Variants in PUS7L observed in about 807,000 individuals in gnomAD.
The protein encoded by PUS7L is pseudouridine synthase 7 like.
In PUS7L, 49 loss-of-function variants were observed where a neutral mutation model predicts 51.1. The ratio of observed to expected loss-of-function variants is 0.96; its 90% CI spans 0.76 to 1.22. The LOEUF is 1.22. Among genes scored for constraint, PUS7L ranks in the 50% most tolerant of loss-of-function variants. The pLI is 0.00. For synonymous variants in PUS7L, 277 were observed against 276.2 expected (o/e 1.00, Z -0.03); for missense variants, 828 against 820.6 (o/e 1.01, Z -0.11).
intron 8 of PUS7L, 65 bp downstream of exon 8, chr12:43,731,639 AT>A: frequency 1.2e-6 from 1 of 818,426 alleles, no homozygotes; most frequent in Non-Finnish European, 2.0e-6. Context: ...ACTAGTTAAC[AT>A]TTTGCTTTTT....
chr12:43,751,999 G>T (rs1002597054), intron 2 of PUS7L, among the ~76,000 whole-genome samples: 1 of 152,170 alleles, frequency 6.6e-6, no homozygotes, highest in African/African-American at 2.4e-5. Flanking sequence ...ATAAATGTCT[G>T]CTTTTGAGAA....
rs1944429001 is a variant in PUS7L at position 43,724,280 on chromosome 12, T to C, written c.*6096A>G. 1 of 151,936 alleles carries C rather than the reference T, an allele frequency of 6.6e-6. No individual in the cohort carries two copies. The highest frequency in any genetic ancestry group is 2.1e-4 in the South Asian group (1 of 4,822). 9.4% of individuals were successfully genotyped at this position (151,936 alleles called of 1,614,324 possible). A position where few individuals can be genotyped will look rare whatever the true frequency, so the allele number is the denominator to read the frequency against. ...ACTGAATCCCCAGATTTAGAAATAG[T>C]TGTTTCTACTACTACAAAAAAAAAA... On this transcript the variant is annotated 3_prime_UTR_variant, in exon 9 of 9. Transcript: ENST00000344862.
At chr12:43,745,959 G>A (rs1355166829) in intron 4 of PUS7L, 87 bp downstream of exon 4, 1 of 600,336 alleles carries the variant, frequency 1.7e-6, no homozygotes, top group African/African-American at 2.0e-5. Context: ...AGGTACAAAA[G>A]AAAAAGAAGT....
At position 43,754,912 on chromosome 12, in the gene PUS7L, C is replaced by A. The variant is rs201808152; in HGVS notation, c.334G>T (p.Val112Phe). 7.6e-5 allele frequency: 122 copies of A among 1,613,714 alleles called. 1 individual carries two copies. In the South Asian group the frequency reaches 1.3e-3, roughly 17 times the overall value. The change falls in exon 2 of 9, where the codon GTT becomes TTT. Residue 112 changes from valine (V) to phenylalanine (F), a missense_variant. Coordinates refer to ENST00000344862, the MANE Select transcript of PUS7L (RefSeq NM_031292.5). The part of the protein sequence containing the change: ...QSGSEKEDTI[V>F]DGTSKCEEKA... Reference sequence around the variant, plus strand: ...TCTTCACATTTGGAAGTTCCATCAACGATAGTATCTTCCTTTTCTGAACCA... The same window carrying A: ...TCTTCACATTTGGAAGTTCCATCAAAGATAGTATCTTCCTTTTCTGAACCA...
At chr12:43,752,761 G>A (rs1270498517) in intron 2 of PUS7L, among the ~76,000 whole-genome samples, 1 of 152,106 alleles carries the variant, frequency 6.6e-6, no homozygotes, top group Admixed American at 6.6e-5. Flanking sequence ...TAATAAATAT[G>A]GAGTTTTAGT....
rs1944370257 is a variant in PUS7L, at chr12:43,719,419, T to C, written c.*10957A>G. On this transcript the variant is annotated 3_prime_UTR_variant, in exon 9 of 9. Transcript: ENST00000344862. ...AGTTGAGGACTTGTGATTAAAGAGGTGTTCATGAAGGATTTCTTGGTTGCA... is the reference window on the plus strand; with the variant it reads ...AGTTGAGGACTTGTGATTAAAGAGGCGTTCATGAAGGATTTCTTGGTTGCA... The C allele has an allele frequency of 6.6e-6, 1 of 152,098 alleles. No homozygotes were observed. The highest frequency in any genetic ancestry group is 2.1e-4 in the South Asian group (1 of 4,826). The allele number at this position is 152,098 out of a possible 1,614,324, so 9.4% of individuals were successfully genotyped here.
In PUS7L at chr12:43,729,172, C is replaced by A; in HGVS notation, c.*1204G>T. On this transcript the variant is annotated 3_prime_UTR_variant, in exon 9 of 9. Coordinates refer to ENST00000344862, the MANE Select transcript of PUS7L (RefSeq NM_031292.5). ...TTTTACTTACTTTAGTTACGTAATGCTGGACTTTGAAAACTGTTTTTAGTG... is the reference window on the plus strand; with the variant it reads ...TTTTACTTACTTTAGTTACGTAATGATGGACTTTGAAAACTGTTTTTAGTG... The A allele has an allele frequency of 2.5e-6, 1 of 397,642 alleles. No homozygotes were observed. The highest frequency in any genetic ancestry group is 1.3e-4 in the South Asian group (1 of 7,842). The allele number at this position is 397,642 out of a possible 1,614,324, so 24.6% of individuals were successfully genotyped here.
In PUS7L at chr12:43,725,919, T is replaced by G. The variant is rs111434817; in HGVS notation, c.*4457A>C. 163 of 152,126 alleles carry G rather than the reference T, an allele frequency of 1.1e-3. 1 individual carries two copies. The highest frequency in any genetic ancestry group is 3.7e-3 in the African/African-American group (153 of 41,506). 9.4% of individuals were successfully genotyped at this position (152,126 alleles called of 1,614,324 possible). ...TGTGAGATACTGACATAATAGATAC[T>G]CAGAAAATGTTAGTTAAATCAAAAG... On this transcript the variant is annotated 3_prime_UTR_variant, in exon 9 of 9. Coordinates refer to ENST00000344862, the MANE Select transcript of PUS7L (RefSeq NM_031292.5).
At chr12:43,733,481 G>A (rs1944609027) in intron 7 of PUS7L, among the ~76,000 whole-genome samples, 1 of 152,050 alleles carries the variant, frequency 6.6e-6, no homozygotes, top group African/African-American at 2.4e-5. Flanking sequence ...AAAATATGTA[G>A]GAGAAAATGT....
At chr12:43,743,504 C>G (rs1938004441) in intron 4 of PUS7L, among the ~76,000 whole-genome samples, 1 of 152,258 alleles carries the variant, frequency 6.6e-6, no homozygotes, top group Admixed American at 6.5e-5. Flanking sequence ...TGGCTCACAC[C>G]TGTAATCCCA....
intron 1 of PUS7L, among the ~76,000 whole-genome samples, chr12:43,755,938 T>C (rs2137770272): frequency 6.6e-6 from 1 of 152,298 alleles, no homozygotes; most frequent in African/African-American, 2.4e-5. Context: ...GGAAACACTA[T>C]GCAAGAGAAT....
intron 3 of PUS7L, among the ~76,000 whole-genome samples, chr12:43,746,568 T>C (rs962044411): frequency 3.3e-5 from 5 of 152,182 alleles, no homozygotes; most frequent in Admixed American, 3.3e-4. Context: ...TCTGCTCCTT[T>C]CCTTCTCAGT....
chr12:43,736,479 C>T lies in PUS7L; in HGVS notation c.1627G>A (p.Val543Ile). ...AYTSKIWNEAVSYRLETYGAR... is the reference protein window; with the variant it reads ...AYTSKIWNEAISYRLETYGAR... ...CCATAGGTTTCAAGTCTGTAAGATACTGCCTCATTCCAAATTTTGCTGGTA... is the reference window on the plus strand; with the variant it reads ...CCATAGGTTTCAAGTCTGTAAGATATTGCCTCATTCCAAATTTTGCTGGTA... Residue 543 changes from valine to isoleucine, a missense_variant, in exon 7 of 9, where the codon GTA becomes ATA. By Grantham distance (29) the Val-to-Ile change is conservative. Transcript: ENST00000344862. 1 of 1,614,180 alleles carries T rather than the reference C, an allele frequency of 6.2e-7. No individual in the cohort carries two copies. The highest frequency in any genetic ancestry group is 8.5e-7 in the Non-Finnish European group (1 of 1,180,010).
intron 1 of PUS7L, chr12:43,758,494 G>A: frequency 3.0e-5 from 30 of 985,584 alleles, no homozygotes; most frequent in South Asian, 4.7e-5. Context: ...AAACTAGGGC[G>A]TCGTTGCCCT....
At position 43,736,531 on chromosome 12, in the gene PUS7L, G is replaced by A. The variant is rs1439567147; in HGVS notation, c.1575C>T (p.Ser525=). 2.5e-6 allele frequency: 4 copies of A among 1,614,112 alleles called. No homozygotes were observed. The African/African-American group carries it at 4.0e-5, about 16-fold the overall frequency. The change falls in exon 7 of 9, where the codon TCC becomes TCT. Residue 525 remains serine, a synonymous_variant. Coordinates refer to ENST00000344862, the MANE Select transcript of PUS7L (RefSeq NM_031292.5). ...ATGCGTGAACATAGAATATGCGCATGGAATGGGGTAAAGAGAACCATGCCT... is the reference window on the plus strand; with the variant it reads ...ATGCGTGAACATAGAATATGCGCATAGAATGGGGTAAAGAGAACCATGCCT... ...CIQAWFSLPH[S]MRIFYVHAYT...
intron 6 of PUS7L, among the ~76,000 whole-genome samples, chr12:43,737,437 C>G (rs1162082893): frequency 6.6e-6 from 1 of 151,788 alleles, no homozygotes; most frequent in Non-Finnish European, 1.5e-5. Context: ...GTAATATGTA[C>G]ATAATTAAAA....
At chr12:43,739,901 C>T (rs1937809585) in intron 5 of PUS7L, 1 of 152,054 alleles carries the variant, frequency 6.6e-6, no homozygotes, top group Non-Finnish European at 1.5e-5. Flanking sequence ...TGACAGACAA[C>T]CTAGAGTTCT....
At chr12:43,735,385 A>G (rs1944662724) in intron 7 of PUS7L, among the ~76,000 whole-genome samples, 1 of 151,690 alleles carries the variant, frequency 6.6e-6, no homozygotes, top group Non-Finnish European at 1.5e-5. Context: ...CTGGACAAGG[A>G]GGAAATGGAA....
chr12:43,736,564 A>C lies in PUS7L; in HGVS notation c.1542T>G (p.Gly514=). Residue 514 remains glycine, a synonymous_variant, in exon 7 of 9, where the codon GGT becomes GGG. Transcript: ENST00000344862. The part of the protein sequence containing the change: ...ALHRFGMTEE[G]CIQAWFSLPH... The stretch of plus-strand genomic sequence containing the variant: ...GTAAAGAGAACCATGCCTGGATACA[A>C]CCTTCCTCGGTCATGCCAAAGCGGT... The C allele has an allele frequency of 6.2e-7, 1 of 1,614,042 alleles. No individual in the cohort carries two copies. Among genetic ancestry groups the C allele is most frequent in the Non-Finnish European group, 8.5e-7 (1 of 1,180,036 alleles).
Sources: gnomAD v4.1 joint callset for allele counts (sites outside exome capture counted in the v4.1 genomes callset) on GRCh38, gnomAD v4.1.1 for gene constraint, MANE v1.5 for transcripts, NCBI Gene and HGNC (gene_info 2026-07-23, HGNC 2026-07-21) for gene names.